Variants in THSD4 observed in about 807,000 individuals in gnomAD.
THSD4 encodes thrombospondin type-1 domain-containing protein 4.
A neutral mutation model predicts 119.0 loss-of-function variants in THSD4; 69 were observed. The ratio of observed to expected loss-of-function variants is 0.58; its 90% CI spans 0.48 to 0.71. THSD4 has a LOEUF of 0.71. Ranked by LOEUF, THSD4 falls within the 30% of genes least tolerant of loss-of-function variation. The pLI is 0.00. For synonymous variants in THSD4, 524 were observed against 540.4 expected (o/e 0.97, Z 0.42); for missense variants, 1,393 against 1,391.1 (o/e 1.00, Z -0.02).
chr15:71,340,780 A>C (rs1373375856), intron 6 of THSD4, among the ~76,000 whole-genome samples: 1 of 151,960 alleles, frequency 6.6e-6, no homozygotes. Context: ...TAATATTTTT[A>C]GTAGAGACAG....
chr15:71,341,904 A>G (rs112970925), intron 6 of THSD4, among the ~76,000 whole-genome samples: 25 of 151,890 alleles, frequency 1.6e-4, no homozygotes, highest in African/African-American at 5.3e-4. Context: ...TTTTTTTCTA[A>G]AAGTAGCTTG....
At chr15:71,727,553 AATATAT>A (rs869196877) in intron 8 of THSD4, among the ~76,000 whole-genome samples, 27 of 122,770 alleles carry the variant, frequency 2.2e-4, no homozygotes, top group African/African-American at 1.0e-3. Flanking sequence ...AAAAAAAAAA[AATATAT>A]ATATATATAT....
intron 3 of THSD4, among the ~76,000 whole-genome samples, chr15:71,158,147 T>C (rs1160638640): frequency 1.5e-5 from 2 of 136,492 alleles, no homozygotes; most frequent in Non-Finnish European, 3.2e-5. Flanking sequence ...CCAACACTTA[T>C]CTTTTTTTTT....
In THSD4 at chr15:71,674,768, G is replaced by A. The variant is rs149382431; in HGVS notation, c.1357+14034G>A. Among the ~76,000 whole-genome samples, 3 of 152,272 alleles carry A rather than the reference G, an allele frequency of 2.0e-5. No individual in the cohort carries two copies. In the Middle Eastern group the frequency reaches 0.01, roughly 521 times the overall value. On this transcript the variant is annotated intron_variant, in intron 8 of 17. Coordinates refer to ENST00000261862, the MANE Select transcript of THSD4 (RefSeq NM_024817.3). The stretch of plus-strand genomic sequence containing the variant: ...GATTGTTACAGTGAGGGCAGAGAAG[G>A]GGGGAGGCGGGTGCTGCTGGCATCT...
At chr15:71,252,068 A>C (rs372954626) in intron 5 of THSD4, among the ~76,000 whole-genome samples, 3 of 152,206 alleles carry the variant, frequency 2.0e-5, no homozygotes, top group African/African-American at 4.8e-5. Context: ...CTTGGCTCTA[A>C]ATCTCCAGAC....
At chr15:71,521,997 G>A (rs1457023150) in intron 7 of THSD4, among the ~76,000 whole-genome samples, 1 of 152,178 alleles carries the variant, frequency 6.6e-6, no homozygotes, top group East Asian at 1.9e-4. Context: ...TTCCTTGAAA[G>A]TTAGAGCCCT....
At chr15:71,377,464 G>A (rs924376759) in intron 6 of THSD4, among the ~76,000 whole-genome samples, 1 of 152,012 alleles carries the variant, frequency 6.6e-6, no homozygotes, top group African/African-American at 2.4e-5. Flanking sequence ...TGTCTGCATC[G>A]GGGTGGAGAA....
chr15:71,625,178 T>C (rs1456567091), intron 7 of THSD4, among the ~76,000 whole-genome samples: 2 of 152,126 alleles, frequency 1.3e-5, no homozygotes, highest in Non-Finnish European at 2.9e-5. Flanking sequence ...CGGCTAATTT[T>C]TGTATTTTTA....
At chr15:71,311,647 TTA>T (rs2045112550) in intron 6 of THSD4, among the ~76,000 whole-genome samples, 1 of 152,206 alleles carries the variant, frequency 6.6e-6, no homozygotes, top group Non-Finnish European at 1.5e-5. Flanking sequence ...AAACCTAGCA[TTA>T]TATGTTGATA....
At chr15:71,602,407 G>A (rs2050027644) in intron 7 of THSD4, among the ~76,000 whole-genome samples, 1 of 151,812 alleles carries the variant, frequency 6.6e-6, no homozygotes, top group South Asian at 2.1e-4. Flanking sequence ...TACAAAATTA[G>A]CCAGGTGTGG....
intron 6 of THSD4, among the ~76,000 whole-genome samples, chr15:71,297,472 A>T (rs533312367): frequency 3.2e-4 from 48 of 152,118 alleles, no homozygotes; most frequent in African/African-American, 1.1e-3. Flanking sequence ...AGTAGCTGGG[A>T]TTACAGGCAC....
At chr15:71,179,948 C>T (rs1312274208) in intron 3 of THSD4, among the ~76,000 whole-genome samples, 1 of 83,324 alleles carries the variant, frequency 1.2e-5, no homozygotes, top group Non-Finnish European at 2.4e-5. Flanking sequence ...ACAATGAGAT[C>T]ACATGGACAC....
chr15:71,435,543 A>G (rs1181715335), intron 7 of THSD4, among the ~76,000 whole-genome samples: 1 of 152,144 alleles, frequency 6.6e-6, no homozygotes, highest in East Asian at 1.9e-4. Flanking sequence ...TTTTTCATGG[A>G]AAGTCCCTGA....
chr15:71,554,074 G>A (rs987099260), intron 7 of THSD4, among the ~76,000 whole-genome samples: 19 of 142,092 alleles, frequency 1.3e-4, no homozygotes, highest in African/African-American at 3.6e-4. Context: ...TTGTTTTTTC[G>A]TTTGTTTTTT....
chr15:71,135,692 T>A (rs753551582), intron 1 of THSD4, among the ~76,000 whole-genome samples: 4 of 152,200 alleles, frequency 2.6e-5, no homozygotes, highest in Non-Finnish European at 5.9e-5. Flanking sequence ...CTTGGCAGCC[T>A]TCTCCAGCCA....
At chr15:71,714,275 G>T (rs7169771) in intron 8 of THSD4, among the ~76,000 whole-genome samples, 6 of 151,858 alleles carry the variant, frequency 4.0e-5, no homozygotes, top group African/African-American at 9.7e-5. Flanking sequence ...TGTGTGTTGG[G>T]GGGGGAGGGG....
chr15:71,333,357 C>A (rs1265979567), intron 6 of THSD4, among the ~76,000 whole-genome samples: 1 of 152,098 alleles, frequency 6.6e-6, no homozygotes, highest in Non-Finnish European at 1.5e-5. Flanking sequence ...ACTGTCCTTG[C>A]AGTTGTTAAG....
Position 71,781,525 on chromosome 15 carries a change from C to T in THSD4, c.*4151C>T, listed in dbSNP as rs934634611. 1.1e-4 allele frequency: 17 copies of T among 152,292 alleles called. No individual in the cohort carries two copies. Among genetic ancestry groups the T allele is most frequent in the Admixed American group, 3.9e-4 (6 of 15,282 alleles). The allele number at this position is 152,292 out of a possible 1,614,324, so 9.4% of individuals were successfully genotyped here. On this transcript the variant is annotated 3_prime_UTR_variant, in exon 18 of 18. Transcript: ENST00000261862. ...CTATAATAACATCAGTTTATCAATG[C>T]CCCGTCCTGATGAAGTGTGCAGACT...
chr15:71,523,188 A>G (rs961231602), intron 7 of THSD4, among the ~76,000 whole-genome samples: 2 of 152,208 alleles, frequency 1.3e-5, no homozygotes, highest in African/African-American at 2.4e-5. Context: ...CAATTCTCTC[A>G]TAGTGCTGGA....
Sources: allele counts gnomAD v4.1 joint callset (sites outside exome capture counted in the v4.1 genomes callset), GRCh38; gene constraint gnomAD v4.1.1; transcripts MANE v1.5; gene names NCBI Gene and HGNC (gene_info 2026-07-23, HGNC 2026-07-21).